SEMA3F: variants seen among roughly 807,000 people sequenced by gnomAD.
SEMA3F encodes semaphorin 3F.
SEMA3F carries 30 observed loss-of-function variants against 98.5 expected under a neutral mutation model. The ratio of observed to expected loss-of-function variants is 0.30; its 90% CI spans 0.23 to 0.41. The LOEUF (loss-of-function observed/expected upper bound fraction) is 0.41. SEMA3F is among the 10% of genes least tolerant of loss of function. The probability of loss-of-function intolerance (pLI) is 1.00; values close to 1 mark genes in which losing one functional copy is unlikely to be tolerated. For missense variants in SEMA3F, 866 were observed against 1,119.3 expected (o/e 0.77, Z 3.23); for synonymous variants, 380 against 444.8 (o/e 0.85, Z 1.83).
chr3:50,182,845 T>C lies in SEMA3F; in HGVS notation c.904-59T>C. Reference sequence around the variant, plus strand: ...CCAGTTCTGGCTTCATCAGCCCTGCTCCAGCCAGGGCTTGGGGTCAAGAGC... The same window carrying C: ...CCAGTTCTGGCTTCATCAGCCCTGCCCCAGCCAGGGCTTGGGGTCAAGAGC... On this transcript the variant is annotated intron_variant, in intron 9 of 18. Transcript: ENST00000002829. This position sits in a 1 kb window ranked among gnomAD's most constrained non-coding sequence, Gnocchi z 4.5. 1.2e-6 allele frequency: 2 copies of C among 1,609,918 alleles called. No individual in the cohort carries two copies. The highest frequency in any genetic ancestry group is 1.7e-6 in the Non-Finnish European group (2 of 1,177,226).
chr3:50,173,582 C>T (rs922493667), intron 2 of SEMA3F, among the ~76,000 whole-genome samples: 3 of 152,156 alleles, frequency 2.0e-5, no homozygotes, highest in Non-Finnish European at 1.5e-5. Flanking sequence ...ATGGAGGTTG[C>T]AGTGAGCCGC....
At chr3:50,157,259 T>C (rs1416888482) in intron 1 of SEMA3F, among the ~76,000 whole-genome samples, 1 of 152,048 alleles carries the variant, frequency 6.6e-6, no homozygotes, top group Non-Finnish European at 1.5e-5. Context: ...CTCCTTCCTC[T>C]GGCCGCCTCT....
chr3:50,182,399 G>A lies in SEMA3F; in HGVS notation c.759G>A (p.Leu253=). The A allele has an allele frequency of 6.2e-7, 1 of 1,613,724 alleles. No individual in the cohort carries two copies. The highest frequency in any genetic ancestry group is 8.5e-7 in the Non-Finnish European group (1 of 1,180,042). Residue 253 remains leucine, a synonymous_variant, in exon 8 of 19, where the codon CTG becomes CTA. Transcript: ENST00000002829. This position sits in a 1 kb window ranked among gnomAD's most constrained non-coding sequence, Gnocchi z 4.5. The part of the protein sequence containing the change: ...MRTDQYNSRW[L]NDPSFIHAEL... The stretch of plus-strand genomic sequence containing the variant: ...CGGATCAGTACAACTCCCGGTGGCT[G>A]AACGGTAAGCGCAGCCCCAGGAGCC...
chr3:50,176,734 C>T (rs748877811), intron 6 of SEMA3F, 34 bp from the exon 7 acceptor site: 1 of 1,499,684 alleles, frequency 6.7e-7, no homozygotes, highest in Non-Finnish European at 9.3e-7. Context: ...GGGGGACTGG[C>T]CTGGACGATG....
Position 50,174,114 on chromosome 3 carries a change from C to G in SEMA3F, c.336C>G (p.Asn112Lys). 1 of 1,614,100 alleles carries G rather than the reference C, an allele frequency of 6.2e-7. No homozygotes were observed. The change falls in exon 4 of 19, where the codon AAC (asparagine) becomes AAG (lysine). Residue 112 changes from asparagine (N) to lysine (K), a missense_variant and splice_region_variant. Transcript: ENST00000002829. ...GCGTGCTCTCAGGCAAGGATGTCAA[C>G]GTGAGTTTGGTGGGATCCACAGGTG... ...EECVLSGKDV[N>K]GECGNFVRLI... is the part of the protein sequence containing the mutation.
chr3:50,173,816 C>G lies in SEMA3F; in HGVS notation c.136C>G (p.His46Asp). The change falls in exon 3 of 19, where the codon CAC becomes GAC. Residue 46 changes from histidine to aspartate, a missense_variant. His to Asp is a moderately conservative substitution (Grantham distance 81). Transcript: ENST00000002829. ...FKELKATGTA[H>D]FFNFLLNTTD... is the part of the protein sequence containing the mutation. Reference sequence around the variant, plus strand: ...AGAGCTGAAGGCCACAGGCACCGCCCACTTCTTCAACTTCCTGCTCAACAC... The same window carrying G: ...AGAGCTGAAGGCCACAGGCACCGCCGACTTCTTCAACTTCCTGCTCAACAC... 6.2e-7 allele frequency: 1 copy of G among 1,614,078 alleles called. No individual in the cohort carries two copies. Among genetic ancestry groups the G allele is most frequent in the Non-Finnish European group, 8.5e-7 (1 of 1,180,014 alleles).
intron 2 of SEMA3F, among the ~76,000 whole-genome samples, chr3:50,165,269 T>TG (rs768460305): frequency 6.6e-6 from 1 of 152,170 alleles, no homozygotes; most frequent in Non-Finnish European, 1.5e-5. Flanking sequence ...AGATGCTAGA[T>TG]GCAGTCTTGC....
rs1016834986 is a variant in SEMA3F, at chr3:50,166,188, C to T, written c.112+6454C>T. ...TACCCGGACATGCTCTTTCCTCGGA[C>T]GTCTCTGTACCCAGCCAAGAGCCTT... is the stretch of plus-strand genomic sequence containing the variant. On this transcript the variant is annotated intron_variant, in intron 2 of 18. Transcript: ENST00000002829. This position sits in a 1 kb window ranked among gnomAD's most constrained non-coding sequence, Gnocchi z 4.7. Among the ~76,000 whole-genome samples the T allele has an allele frequency of 9.9e-5, 15 of 152,020 alleles. No individual in the cohort carries two copies. Among genetic ancestry groups the T allele is most frequent in the South Asian group, 2.1e-4 (1 of 4,804 alleles).
intron 17 of SEMA3F, 44 bp downstream of exon 17, chr3:50,186,392 G>A (rs770082783): frequency 4.0e-5 from 64 of 1,589,068 alleles, no homozygotes; most frequent in Non-Finnish European, 5.3e-5. Context: ...TCACACTGCA[G>A]AAGTCCACGC....
rs148796473 is a variant in SEMA3F at position 50,184,725 on chromosome 3, G to T, written c.1367G>T (p.Arg456Leu). 2 of 1,614,070 alleles carry T rather than the reference G, an allele frequency of 1.2e-6. No individual in the cohort carries two copies. Among genetic ancestry groups the T allele is most frequent in the African/African-American group, 1.3e-5 (1 of 75,040 alleles). ...YPLQRRPLVV[R>L]TGAPYRLTTI... ...CTGCAGCGGCGGCCCCTGGTAGTCC[G>T]CACAGGTGCTCCCTACCGCCTTACC... is the stretch of plus-strand genomic sequence containing the variant. The change falls in exon 13 of 19, where the codon CGC becomes CTC. Residue 456 changes from arginine to leucine, a missense_variant. Coordinates refer to ENST00000002829, the MANE Select transcript of SEMA3F (RefSeq NM_004186.5).
At position 50,188,093 on chromosome 3, in the gene SEMA3F, G is replaced by A. The variant is rs762867485; in HGVS notation, c.2336G>A (p.Arg779Gln). Residue 779 changes from arginine to glutamine, a missense_variant, in exon 19 of 19, where the codon CGG becomes CAG. By Grantham distance (43) the Arg-to-Gln change is conservative. Transcript: ENST00000002829. The surrounding 1 kb of genome is among the most constrained non-coding windows in gnomAD (Gnocchi z 4.5). ...PQDQKKPRNR[R>Q]HHPPDT Reference sequence around the variant, plus strand: ...GACCAGAAAAAGCCCCGGAACCGCCGGCACCACCCTCCGGACACATGAGGC... The same window carrying A: ...GACCAGAAAAAGCCCCGGAACCGCCAGCACCACCCTCCGGACACATGAGGC... The A allele has an allele frequency of 9.7e-6, 15 of 1,541,738 alleles. No individual in the cohort carries two copies. The highest frequency in any genetic ancestry group is 1.8e-4 in the Middle Eastern group (1 of 5,474).
intron 7 of SEMA3F, among the ~76,000 whole-genome samples, chr3:50,181,269 C>T (rs1395726023): frequency 6.6e-6 from 1 of 151,934 alleles, no homozygotes; most frequent in Non-Finnish European, 1.5e-5. Context: ...TCTTTCACTA[C>T]ACTTTATTGT....
chr3:50,171,744 G>A (rs1158872392), intron 2 of SEMA3F, among the ~76,000 whole-genome samples: 1 of 152,184 alleles, frequency 6.6e-6, no homozygotes, highest in Non-Finnish European at 1.5e-5. Flanking sequence ...GGGGGACTCC[G>A]AGTGGCCCAA....
chr3:50,163,756 G>A (rs956482281), intron 2 of SEMA3F, among the ~76,000 whole-genome samples: 1 of 152,184 alleles, frequency 6.6e-6, no homozygotes, highest in Non-Finnish European at 1.5e-5. Flanking sequence ...GGAGCTTTGA[G>A]GCCAGTGTGG....
At chr3:50,167,066 C>T (rs1476054440) in intron 2 of SEMA3F, among the ~76,000 whole-genome samples, 3 of 152,198 alleles carry the variant, frequency 2.0e-5, no homozygotes, top group Non-Finnish European at 4.4e-5. Flanking sequence ...GTGTGATCTG[C>T]TTGTCTGGTC....
chr3:50,182,867 G>C lies in SEMA3F; in HGVS notation c.904-37G>C, dbSNP rs1171842325. ...TGCTCCAGCCAGGGCTTGGGGTCAA[G>C]AGCTGATCTGACCCGGCCTCTTGCC... On this transcript the variant is annotated intron_variant, in intron 9 of 18. Transcript: ENST00000002829. The surrounding 1 kb of genome is among the most constrained non-coding windows in gnomAD (Gnocchi z 4.5). The C allele has an allele frequency of 1.2e-6, 2 of 1,610,976 alleles. No individual in the cohort carries two copies. The highest frequency in any genetic ancestry group is 2.2e-5 in the East Asian group (1 of 44,876).
chr3:50,172,370 G>A (rs1221868009), intron 2 of SEMA3F, among the ~76,000 whole-genome samples: 1 of 152,154 alleles, frequency 6.6e-6, no homozygotes, highest in Non-Finnish European at 1.5e-5. Flanking sequence ...GGGGGTGGGT[G>A]GAGAGGGGGC....
At position 50,186,231 on chromosome 3, in the gene SEMA3F, G is replaced by A. The variant is rs537398656; in HGVS notation, c.1746-50G>A. ...TGGAGTCAGGGAGATACAGGGACCTGGGGGGGCAAGCTTCCTGGGAGCACT... is the reference window on the plus strand; with the variant it reads ...TGGAGTCAGGGAGATACAGGGACCTAGGGGGGCAAGCTTCCTGGGAGCACT... On this transcript the variant is annotated intron_variant, in intron 16 of 18. Transcript: ENST00000002829. 74 of 1,579,658 alleles carry A rather than the reference G, an allele frequency of 4.7e-5. 1 individual carries two copies. In the South Asian group the frequency reaches 8.1e-4, roughly 17 times the overall value.
chr3:50,160,990 G>A (rs1422186086), intron 2 of SEMA3F, among the ~76,000 whole-genome samples: 8 of 152,158 alleles, frequency 5.3e-5, no homozygotes, highest in Non-Finnish European at 7.4e-5. Context: ...CCCCTTCCCC[G>A]GGCCCCAGGA....
Sources: allele counts gnomAD v4.1 joint callset (sites outside exome capture counted in the v4.1 genomes callset), GRCh38; gene constraint gnomAD v4.1.1; non-coding constraint Gnocchi (gnomAD v3.1); transcripts MANE v1.5; gene names NCBI Gene and HGNC (gene_info 2026-07-23, HGNC 2026-07-21).